ANGPT2: variants seen among roughly 807,000 people sequenced by gnomAD.
The protein encoded by ANGPT2 is angiopoietin 2.
In ANGPT2, 28 loss-of-function variants were observed where a neutral mutation model predicts 62.9. The ratio of observed to expected loss-of-function variants is 0.44; its 90% confidence interval spans 0.33 to 0.61. ANGPT2 has a LOEUF of 0.61. Among genes scored for constraint, ANGPT2 ranks in the 20% least tolerant of loss-of-function variants. ANGPT2 has a pLI of 0.03. For synonymous variants in ANGPT2, 284 were observed against 207.8 expected (o/e 1.37, Z -3.15); for missense variants, 727 against 594.9 (o/e 1.22, Z -2.31).
At chr8:6,532,577 A>AAG (rs1408319562) in intron 1 of ANGPT2, 90 bp from the exon 2 acceptor site, 83 of 795,358 alleles carry the variant, frequency 1.0e-4, no homozygotes, top group African/African-American at 9.4e-4. Flanking sequence ...CTATCTTTAA[A>AAG]AAAAAAAAAA....
chr8:6,500,200 A>G lies in ANGPT2; in HGVS notation c.*2901T>C. The G allele has an allele frequency of 2.3e-6, 1 of 442,082 alleles. No individual in the cohort carries two copies. The highest frequency in any genetic ancestry group is 2.3e-5 in the South Asian group (1 of 44,306). The allele number at this position is 442,082 out of a possible 1,614,324, so 27.4% of individuals were successfully genotyped here. A position where few individuals can be genotyped will look rare whatever the true frequency, so the allele number is the denominator to read the frequency against. ...AGAACTGAGAAAAACAAAAATGAAAAAAGACTGAATTCTTGGGCAGGTAGT... is the reference window on the plus strand; with the variant it reads ...AGAACTGAGAAAAACAAAAATGAAAGAAGACTGAATTCTTGGGCAGGTAGT... On this transcript the variant is annotated 3_prime_UTR_variant, in exon 9 of 9. Transcript: ENST00000629816.
In ANGPT2 at chr8:6,519,957, G is replaced by A. The variant is rs1817002351; in HGVS notation, c.834C>T (p.Ile278=). The part of the protein sequence containing the change: ...KDPTVAKEEQ[I]SFRDCAEVFK... Reference sequence around the variant, plus strand: ...ATACTTCAGCACAGTCTCTGAAGCTGATTTGTTCTTCTTTAGCAACAGTGG... The same window carrying A: ...ATACTTCAGCACAGTCTCTGAAGCTAATTTGTTCTTCTTTAGCAACAGTGG... Residue 278 remains isoleucine (I), a synonymous_variant, in exon 5 of 9, where the codon ATC becomes ATT. Transcript: ENST00000629816. 1.2e-6 allele frequency: 2 copies of A among 1,613,988 alleles called. No homozygotes were observed. Among genetic ancestry groups the A allele is most frequent in the African/African-American group, 2.7e-5 (2 of 74,932 alleles).
chr8:6,562,574 T>G, intron 1 of ANGPT2, 73 bp downstream of exon 1: 1 of 583,790 alleles, frequency 1.7e-6, no homozygotes, highest in Non-Finnish European at 2.6e-6. Context: ...TTTTTTTTGG[T>G]TGTTAAAACC....
intron 1 of ANGPT2, 121 bp downstream of exon 1, chr8:6,562,526 C>T (rs923069050): frequency 9.4e-6 from 8 of 848,508 alleles, no homozygotes; most frequent in Non-Finnish European, 1.1e-5. Flanking sequence ...ACCCGCTCTC[C>T]AGCTCTAATC....
chr8:6,503,041 T>C lies in ANGPT2; in HGVS notation c.*60A>G. 2 of 1,595,814 alleles carry C rather than the reference T, an allele frequency of 1.3e-6. No homozygotes were observed. Among genetic ancestry groups the C allele is most frequent in the Non-Finnish European group, 1.7e-6 (2 of 1,168,470 alleles). On this transcript the variant is annotated 3_prime_UTR_variant, in exon 9 of 9. Transcript: ENST00000629816. ...CACAGTGCGCAGCCGTGACTTTCAGTGCACTGGGCTTAAGTCTTTGAAAAT... is the reference window on the plus strand; with the variant it reads ...CACAGTGCGCAGCCGTGACTTTCAGCGCACTGGGCTTAAGTCTTTGAAAAT...
At chr8:6,540,841 T>C (rs936856660) in intron 1 of ANGPT2, among the ~76,000 whole-genome samples, 11 of 152,238 alleles carry the variant, frequency 7.2e-5, no homozygotes, top group African/African-American at 2.4e-4. Context: ...GCAGGGTGGT[T>C]CGCACACGTG....
chr8:6,544,200 A>T (rs1169952495), intron 1 of ANGPT2, among the ~76,000 whole-genome samples: 2 of 152,234 alleles, frequency 1.3e-5, no homozygotes, highest in Non-Finnish European at 2.9e-5. Flanking sequence ...ACCATTTGCC[A>T]TTTCAAATGT....
At chr8:6,541,052 G>A (rs965710266) in intron 1 of ANGPT2, among the ~76,000 whole-genome samples, 1 of 152,230 alleles carries the variant, frequency 6.6e-6, no homozygotes, top group Non-Finnish European at 1.5e-5. Flanking sequence ...TCTCATGGGT[G>A]TCCCGAGGCA....
chr8:6,562,840 T>C lies in ANGPT2; in HGVS notation c.95A>G (p.Lys32Arg). 1.2e-6 allele frequency: 2 copies of C among 1,613,984 alleles called. No homozygotes were observed. The highest frequency in any genetic ancestry group is 1.7e-6 in the Non-Finnish European group (2 of 1,179,992). Residue 32 changes from lysine (K) to arginine (R), a missense_variant, in exon 1 of 9, where the codon AAG becomes AGG. By Grantham distance (26) the Lys-to-Arg change is conservative. Coordinates refer to ENST00000629816, the MANE Select transcript of ANGPT2 (RefSeq NM_001118887.2). ...FRKSMDSIGK[K>R]QYQVQHGSCS... is the part of the protein sequence containing the mutation. ...GGACCCATGCTGGACCTGATATTGC[T>C]TCTTTCCTATGCTGTCCATGCTCTT...
At position 6,501,311 on chromosome 8, in the gene ANGPT2, G is replaced by C. The variant is rs922817333; in HGVS notation, c.*1790C>G. On this transcript the variant is annotated 3_prime_UTR_variant, in exon 9 of 9. Coordinates refer to ENST00000629816, the MANE Select transcript of ANGPT2 (RefSeq NM_001118887.2). ...GAAATGGAATAAAGAAAAAATAATGGTAGAACACTGTAAGGTGAAGACAGA... is the reference window on the plus strand; with the variant it reads ...GAAATGGAATAAAGAAAAAATAATGCTAGAACACTGTAAGGTGAAGACAGA... 2.0e-5 allele frequency: 3 copies of C among 152,154 alleles called. No individual in the cohort carries two copies. Among genetic ancestry groups the C allele is most frequent in the Non-Finnish European group, 4.4e-5 (3 of 68,028 alleles). 9.4% of individuals were successfully genotyped at this position (152,154 alleles called of 1,614,324 possible).
intron 7 of ANGPT2, among the ~76,000 whole-genome samples, chr8:6,513,177 A>G (rs1011748157): frequency 2.0e-5 from 3 of 152,236 alleles, no homozygotes; most frequent in African/African-American, 7.2e-5. Context: ...TACTGTTTGT[A>G]TGAAGTTTCT....
chr8:6,541,033 C>T (rs549194027), intron 1 of ANGPT2, among the ~76,000 whole-genome samples: 2 of 59,848 alleles, frequency 3.3e-5, no homozygotes, highest in Non-Finnish European at 4.8e-5. Context: ...GCGAGAGTGC[C>T]GAGGAGGCTC....
intron 3 of ANGPT2, among the ~76,000 whole-genome samples, chr8:6,525,877 A>G (rs577787905): frequency 2.0e-5 from 3 of 152,328 alleles, no homozygotes; most frequent in East Asian, 3.9e-4. Flanking sequence ...TTGGAAAAAT[A>G]TTTGCAAAGA....
intron 1 of ANGPT2, among the ~76,000 whole-genome samples, chr8:6,536,382 G>A (rs1028776205): frequency 6.9e-6 from 1 of 144,122 alleles, no homozygotes; most frequent in African/African-American, 2.6e-5. Flanking sequence ...CCCAGAGGCC[G>A]CTTCATACTT....
intron 1 of ANGPT2, among the ~76,000 whole-genome samples, chr8:6,554,308 G>C (rs548483606): frequency 1.5e-4 from 21 of 143,012 alleles, no homozygotes; most frequent in African/African-American, 5.3e-4. Context: ...TAAAAAGAGA[G>C]AAAAAAAAAA....
At position 6,562,929 on chromosome 8, in the gene ANGPT2, C is replaced by A; in HGVS notation, c.6G>T (p.Trp2Cys). The change falls in exon 1 of 9, where the codon TGG becomes TGT. Residue 2 changes from tryptophan to cysteine, a missense_variant. Trp to Cys is a radical substitution (Grantham distance 215). Coordinates refer to ENST00000629816, the MANE Select transcript of ANGPT2 (RefSeq NM_001118887.2). Reference sequence around the variant, plus strand: ...AGCTCAGAGTAAAGAAAACAATCTGCCACATTCTTTCTTCAGTAATAAACC... The same window carrying A: ...AGCTCAGAGTAAAGAAAACAATCTGACACATTCTTTCTTCAGTAATAAACC... MWQIVFFTLSCD... is the reference protein window; with the variant it reads MCQIVFFTLSCD... 6.3e-7 allele frequency: 1 copy of A among 1,584,150 alleles called. No individual in the cohort carries two copies. Among genetic ancestry groups the A allele is most frequent in the Non-Finnish European group, 8.6e-7 (1 of 1,157,146 alleles).
intron 8 of ANGPT2, among the ~76,000 whole-genome samples, chr8:6,506,816 A>T (rs1318432320): frequency 2.0e-5 from 3 of 151,570 alleles, no homozygotes; most frequent in African/African-American, 7.3e-5. Context: ...TTCTTTCAGC[A>T]TAAAAGGCAT....
chr8:6,537,124 G>A (rs1480016683), intron 1 of ANGPT2, among the ~76,000 whole-genome samples: 1 of 152,136 alleles, frequency 6.6e-6, no homozygotes, highest in Non-Finnish European at 1.5e-5. Flanking sequence ...ACCTCCCGTG[G>A]GAGGGGACCC....
intron 8 of ANGPT2, chr8:6,508,605 A>G: frequency 2.1e-6 from 1 of 470,504 alleles, no homozygotes; most frequent in African/African-American, 2.0e-5. Context: ...TACATAAAGC[A>G]AAATGTAATT....
Sources: gnomAD v4.1 joint callset for allele counts (sites outside exome capture counted in the v4.1 genomes callset) on GRCh38, gnomAD v4.1.1 for gene constraint, MANE v1.5 for transcripts, NCBI Gene and HGNC (gene_info 2026-07-23, HGNC 2026-07-21) for gene names.